Variants in ZFP14 observed in about 807,000 individuals in gnomAD.
The protein encoded by ZFP14 is zinc finger protein 14 homolog.
Under a neutral mutation model 54.5 loss-of-function variants are expected in ZFP14, and 22 were observed. That is an observed-to-expected ratio of 0.40 (90% CI 0.29 to 0.58). The LOEUF is 0.58. Among genes scored for constraint, ZFP14 ranks in the 20% least tolerant of loss-of-function variants. ZFP14 has a pLI of 0.39. For synonymous variants in ZFP14, 159 were observed against 204.0 expected, an observed-to-expected ratio of 0.78 and a Z score of 1.88; for missense variants, 470 against 637.8, an observed-to-expected ratio of 0.74 and a Z score of 2.83.
Position 36,369,140 on chromosome 19 carries a change from C to A in ZFP14, c.-79-1169G>T, listed in dbSNP as rs575808210. 2.9e-3 allele frequency among the ~76,000 whole-genome samples: 435 copies of A among 152,298 alleles called. 1 individual carries two copies. Among genetic ancestry groups the A allele is most frequent in the Non-Finnish European group, 3.7e-3 (252 of 68,030 alleles). ...TACAGGCGTGAGCCACCGTGCCCGG[C>A]CCCACTTTCCTTTTAGTATCCAAGC... On this transcript the variant is annotated intron_variant, in intron 1 of 4. Transcript: ENST00000270001.
Position 36,339,997 on chromosome 19 carries a change from T to A in ZFP14, c.*227A>T. On this transcript the variant is annotated 3_prime_UTR_variant, in exon 5 of 5. Transcript: ENST00000270001. ...TGGTAATCAAGTGGAGAAAGGGAGA[T>A]AATGACAGATAAGGCTAAAGATTTT... The A allele has an allele frequency of 2.5e-6, 1 of 404,028 alleles. No homozygotes were observed. Among genetic ancestry groups the A allele is most frequent in the Non-Finnish European group, 4.3e-6 (1 of 231,840 alleles). The allele number at this position is 404,028 out of a possible 1,614,324, so 25.0% of individuals were successfully genotyped here.
Position 36,341,735 on chromosome 19 carries a change from T to G in ZFP14, c.236-145A>C. 1.4e-6 allele frequency: 1 copy of G among 709,156 alleles called. No homozygotes were observed. The highest frequency in any genetic ancestry group is 2.1e-6 in the Non-Finnish European group (1 of 473,388). The allele number at this position is 709,156 out of a possible 1,614,324, so 43.9% of individuals were successfully genotyped here. A position where few individuals can be genotyped will look rare whatever the true frequency, so the allele number is the denominator to read the frequency against. On this transcript the variant is annotated intron_variant, in intron 4 of 4. Transcript: ENST00000270001. The surrounding 1 kb of genome is among the most constrained non-coding windows in gnomAD (Gnocchi z 4.2). ...GAATGGATTAGACAGATCTCAAACA[T>G]AGACATTTCTGCCACAATCTTATAT...
In ZFP14 at chr19:36,354,301, G is replaced by A. The variant is rs59201093; in HGVS notation, c.235+6134C>T. Reference sequence around the variant, plus strand: ...CAGGAGTATCGCCTGAACCTGGGAGGTGGAGATTGCAGTGAGCTGAGATGG... The same window carrying A: ...CAGGAGTATCGCCTGAACCTGGGAGATGGAGATTGCAGTGAGCTGAGATGG... On this transcript the variant is annotated intron_variant, in intron 4 of 4. Transcript: ENST00000270001. 9.6e-3 allele frequency among the ~76,000 whole-genome samples: 1,306 copies of A among 135,904 alleles called. 154 individuals carry two copies. Among genetic ancestry groups the A allele is most frequent in the African/African-American group, 0.034 (1,248 of 36,854 alleles). 89.2% of individuals were successfully genotyped at this position (135,904 alleles called of 152,430 possible).
chr19:36,363,442 G>A (rs910427964), intron 2 of ZFP14, among the ~76,000 whole-genome samples: 4 of 151,684 alleles, frequency 2.6e-5, no homozygotes, highest in South Asian at 2.1e-4. Flanking sequence ...TGATCCGCCC[G>A]CCTCGGCTTC....
chr19:36,349,831 G>A (rs2031494795), intron 4 of ZFP14, among the ~76,000 whole-genome samples: 1 of 150,852 alleles, frequency 6.6e-6, no homozygotes, highest in South Asian at 2.1e-4. Flanking sequence ...ATTTGAAGAA[G>A]ATTTCAAGGT....
rs1464918080 is a variant in ZFP14 at position 36,354,735 on chromosome 19, G to A, written c.235+5700C>T. ...CACCCAGGCTGGAATGCAGCAGCGC[G>A]ATCTCGGCTCACTGCAACCTCCACC... On this transcript the variant is annotated intron_variant, in intron 4 of 4. Transcript: ENST00000270001. Among the ~76,000 whole-genome samples the A allele has an allele frequency of 3.5e-5, 5 of 142,726 alleles. 1 individual carries two copies. Among genetic ancestry groups the A allele is most frequent in the East Asian group, 2.1e-4 (1 of 4,764 alleles). The allele number at this position is 142,726 out of a possible 152,430, so 93.6% of individuals were successfully genotyped here.
intron 2 of ZFP14, among the ~76,000 whole-genome samples, chr19:36,362,990 C>T (rs958933224): frequency 2.6e-5 from 4 of 151,804 alleles, no homozygotes; most frequent in Non-Finnish European, 4.4e-5. Context: ...TATTTTAATT[C>T]AATAAAATCT....
intron 1 of ZFP14, among the ~76,000 whole-genome samples, chr19:36,373,288 A>C (rs1359674443): frequency 1.3e-5 from 2 of 151,854 alleles, no homozygotes; most frequent in East Asian, 1.9e-4. Flanking sequence ...AAAAAAAAAA[A>C]ACAAAAAAAC....
intron 2 of ZFP14, among the ~76,000 whole-genome samples, chr19:36,363,196 T>C (rs1162181296): frequency 3.7e-4 from 51 of 139,424 alleles, no homozygotes; most frequent in Non-Finnish European, 6.9e-4. Context: ...TTTCTTTTTT[T>C]TTTTTTTTTT....
chr19:36,365,209 C>T (rs767504587), intron 2 of ZFP14, among the ~76,000 whole-genome samples: 9 of 151,954 alleles, frequency 5.9e-5, no homozygotes, highest in Non-Finnish European at 1.3e-4. Flanking sequence ...AGTTATATGT[C>T]AATTCCATCC....
Position 36,341,045 on chromosome 19 carries a change from A to G in ZFP14, c.781T>C (p.Cys261Arg). Residue 261 changes from cysteine (C) to arginine (R), a missense_variant, in exon 5 of 5, where the codon TGT (cysteine) becomes CGT (arginine). Cys to Arg is a radical substitution (Grantham distance 180). Transcript: ENST00000270001. The surrounding 1 kb of genome is among the most constrained non-coding windows in gnomAD (Gnocchi z 4.2). The part of the protein sequence containing the change: ...TGEKPYECKE[C>R]GKAFRVHQQL... ...TGATGTACTCTAAAGGCCTTTCCAC[A>G]TTCCTTACATTCATAGGGTTTTTCA... 6.2e-7 allele frequency: 1 copy of G among 1,614,036 alleles called. No homozygotes were observed. Among genetic ancestry groups the G allele is most frequent in the Non-Finnish European group, 8.5e-7 (1 of 1,179,992 alleles).
Position 36,340,200 on chromosome 19 carries a change from T to C in ZFP14, c.*24A>G, listed in dbSNP as rs185869114. Reference sequence around the variant, plus strand: ...AATTTTCTGATGTTCTGTAACATCATATACATTTGAAGGCTTTCTTCTATT... The same window carrying C: ...AATTTTCTGATGTTCTGTAACATCACATACATTTGAAGGCTTTCTTCTATT... On this transcript the variant is annotated 3_prime_UTR_variant, in exon 5 of 5. Transcript: ENST00000270001. This position sits in a 1 kb window ranked among gnomAD's most constrained non-coding sequence, Gnocchi z 5.4. 1.5e-4 allele frequency: 233 copies of C among 1,530,472 alleles called. 1 individual carries two copies. In the African/African-American group the frequency reaches 2.9e-3, roughly 19 times the overall value. The allele number at this position is 1,530,472 out of a possible 1,614,324, so 94.8% of individuals were successfully genotyped here. A position where few individuals can be genotyped will look rare whatever the true frequency, so the allele number is the denominator to read the frequency against.
At chr19:36,372,194 A>C (rs1425704602) in intron 1 of ZFP14, among the ~76,000 whole-genome samples, 2 of 152,106 alleles carry the variant, frequency 1.3e-5, no homozygotes, top group Non-Finnish European at 2.9e-5. Context: ...AACCTGGGGA[A>C]AGGTAAGTAT....
rs138781526 is a variant in ZFP14 at position 36,352,769 on chromosome 19, G to A, written c.235+7666C>T. Reference sequence around the variant, plus strand: ...ATCATGGCTAACACGGTGAAACCCCGTCTCTACTAAAAATATAAAAAATTA... The same window carrying A: ...ATCATGGCTAACACGGTGAAACCCCATCTCTACTAAAAATATAAAAAATTA... On this transcript the variant is annotated intron_variant, in intron 4 of 4. Coordinates refer to ENST00000270001, the MANE Select transcript of ZFP14 (RefSeq NM_020917.3). Among the ~76,000 whole-genome samples, 786 of 142,010 alleles carry A rather than the reference G, an allele frequency of 5.5e-3. 104 individuals are homozygous for A. Among genetic ancestry groups the A allele is most frequent in the African/African-American group, 0.019 (739 of 38,630 alleles). The allele number at this position is 142,010 out of a possible 152,430, so 93.2% of individuals were successfully genotyped here.
chr19:36,359,187 AT>A (rs915830325), intron 4 of ZFP14, among the ~76,000 whole-genome samples: 15 of 152,202 alleles, frequency 9.9e-5, no homozygotes, highest in African/African-American at 3.4e-4. Flanking sequence ...ACGGTCTTTC[AT>A]TTTTTCTGTT....
intron 4 of ZFP14, among the ~76,000 whole-genome samples, chr19:36,343,725 A>T (rs1252769080): frequency 6.6e-6 from 1 of 152,180 alleles, no homozygotes; most frequent in East Asian, 1.9e-4. Flanking sequence ...GAGGGACTGC[A>T]TCTGGTGAGA....
At chr19:36,371,185 C>A (rs2031872446) in intron 1 of ZFP14, among the ~76,000 whole-genome samples, 1 of 152,076 alleles carries the variant, frequency 6.6e-6, no homozygotes, top group Admixed American at 6.6e-5. Flanking sequence ...ATGCCATGAA[C>A]CCAGGAGGCG....
At chr19:36,352,765 C>G (rs1327446838) in intron 4 of ZFP14, among the ~76,000 whole-genome samples, 1 of 142,054 alleles carries the variant, frequency 7.0e-6, no homozygotes, top group Non-Finnish European at 1.6e-5. Context: ...CACGGTGAAA[C>G]CCCGTCTCTA....
intron 1 of ZFP14, among the ~76,000 whole-genome samples, chr19:36,376,063 A>G (rs1284257342): frequency 6.6e-6 from 1 of 151,660 alleles, no homozygotes; most frequent in African/African-American, 2.4e-5. Flanking sequence ...ATATGCTTTT[A>G]TTTTTCTGCA....
Sources: gnomAD v4.1 joint callset for allele counts (sites outside exome capture counted in the v4.1 genomes callset) on GRCh38, gnomAD v4.1.1 for gene constraint, Gnocchi (gnomAD v3.1) non-coding constraint, MANE v1.5 for transcripts, NCBI Gene and HGNC (gene_info 2026-07-23, HGNC 2026-07-21) for gene names.